LNX1: variants seen among roughly 807,000 people sequenced by gnomAD.
The protein encoded by LNX1 is ligand of numb-protein X 1.
A neutral mutation model predicts 68.4 loss-of-function variants in LNX1; 54 were observed. The ratio of observed to expected loss-of-function variants is 0.79; its 90% CI spans 0.63 to 0.99. LNX1 has a LOEUF of 0.99. Ranked by LOEUF, LNX1 falls within the 50% of genes least tolerant of loss-of-function variation. LNX1 has a pLI of 0.00. For synonymous variants in LNX1, 336 were observed against 350.0 expected (o/e 0.96, Z 0.45); for missense variants, 906 against 926.4 (o/e 0.98, Z 0.29).
intron 1 of LNX1, among the ~76,000 whole-genome samples, chr4:53,585,022 G>T (rs1464275709): frequency 6.6e-6 from 1 of 152,016 alleles, no homozygotes; most frequent in Non-Finnish European, 1.5e-5. Flanking sequence ...TAGTCCAGAT[G>T]GTGGTAAAAG....
At chr4:53,554,933 T>C (rs537197185) in intron 2 of LNX1, among the ~76,000 whole-genome samples, 5 of 151,926 alleles carry the variant, frequency 3.3e-5, no homozygotes, top group East Asian at 3.9e-4. Flanking sequence ...TTTGAATCCA[T>C]GTACTGGATT....
In LNX1 at chr4:53,573,851, G is replaced by A. The variant is rs1731320627; in HGVS notation, c.152C>T (p.Pro51Leu). ...CHICLQALLD[P>L]LDTPCGHTYC... ...GGTGTGTCCACACGGAGTGTCCAGG[G>A]GGTCCAGCAAAGCCTGCAGGCAGAT... The change falls in exon 2 of 11, where the codon CCC becomes CTC. Residue 51 changes from proline to leucine, a missense_variant. Transcript: ENST00000263925. 1.9e-6 allele frequency: 3 copies of A among 1,613,664 alleles called. No homozygotes were observed. Among genetic ancestry groups the A allele is most frequent in the Non-Finnish European group, 2.5e-6 (3 of 1,179,850 alleles).
chr4:53,564,793 T>C (rs1173597315), intron 2 of LNX1, among the ~76,000 whole-genome samples: 1 of 152,196 alleles, frequency 6.6e-6, no homozygotes, highest in Non-Finnish European at 1.5e-5. Flanking sequence ...GCGCGCACCC[T>C]GCGCCAGCCG....
At chr4:53,552,083 A>G (rs1729552807) in intron 2 of LNX1, among the ~76,000 whole-genome samples, 2 of 152,188 alleles carry the variant, frequency 1.3e-5, no homozygotes, top group South Asian at 4.1e-4. Flanking sequence ...TAGTGATTCC[A>G]CTTACAAACC....
intron 2 of LNX1, among the ~76,000 whole-genome samples, chr4:53,611,547 A>G (rs1733498384): frequency 6.6e-6 from 1 of 152,170 alleles, no homozygotes; most frequent in Admixed American, 6.5e-5. Flanking sequence ...TTTAGAAAAA[A>G]TAAGTAGAGA....
chr4:53,550,461 C>T (rs114149929), intron 2 of LNX1, among the ~76,000 whole-genome samples: 4,546 of 152,206 alleles, frequency 0.03, 81 homozygotes, highest in Non-Finnish European at 0.047. Context: ...TTTTTTTTCC[C>T]CTTTTCAATT....
intron 2 of LNX1, among the ~76,000 whole-genome samples, chr4:53,573,270 A>G (rs564184474): frequency 6.6e-6 from 1 of 152,320 alleles, no homozygotes; most frequent in Admixed American, 6.5e-5. Context: ...TTTAATGGAT[A>G]TAGAGTTTCC....
At chr4:53,501,303 G>T (rs1725471985) in intron 4 of LNX1, among the ~76,000 whole-genome samples, 3 of 115,450 alleles carry the variant, frequency 2.6e-5, no homozygotes, top group African/African-American at 1.0e-4. Context: ...TTTTTTTGGG[G>T]GTGGGGGGAC....
intron 2 of LNX1, among the ~76,000 whole-genome samples, chr4:53,540,624 G>A (rs888867324): frequency 4.6e-5 from 7 of 151,958 alleles, no homozygotes; most frequent in Admixed American, 1.3e-4. Flanking sequence ...GGAGGTTGCA[G>A]CGAGCCGAGA....
rs1473470923 is a variant in LNX1 at position 53,460,665 on chromosome 4, A to AAAT, written c.*239_*241dup. 10 of 392,976 alleles carry AAAT rather than the reference A, an allele frequency of 2.5e-5. No individual in the cohort carries two copies. Among genetic ancestry groups the AAAT allele is most frequent in the African/African-American group, 1.9e-4 (9 of 47,698 alleles). 24.3% of individuals were successfully genotyped at this position (392,976 alleles called of 1,614,324 possible). On this transcript the variant is annotated 3_prime_UTR_variant, in exon 11 of 11. Transcript: ENST00000263925. ...TTTAGGGCTTTTTATTGAATAGAAA[A>AAAT]AATATAAACAATGTTGTAGAGTAAT...
chr4:53,496,165 T>C lies in LNX1; in HGVS notation c.1208A>G (p.Glu403Gly), dbSNP rs112295046. The change falls in exon 6 of 11, where the codon GAG becomes GGG. Residue 403 changes from glutamate (E) to glycine (G), a missense_variant. Transcript: ENST00000263925. ...LGIKLVRKVD[E>G]PGVFIFNVLD... Reference sequence around the variant, plus strand: ...CACATTGAAGATGAAAACCCCAGGCTCATCCACCTTGCGCACCAGTTTTAT... The same window carrying C: ...CACATTGAAGATGAAAACCCCAGGCCCATCCACCTTGCGCACCAGTTTTAT... The C allele has an allele frequency of 6.0e-4, 975 of 1,614,138 alleles. 2 individuals carry two copies. The highest frequency in any genetic ancestry group is 7.6e-4 in the Non-Finnish European group (892 of 1,180,008).
chr4:53,537,965 A>T (rs1728493036), intron 2 of LNX1, among the ~76,000 whole-genome samples: 1 of 152,186 alleles, frequency 6.6e-6, no homozygotes, highest in Non-Finnish European at 1.5e-5. Flanking sequence ...TGGGGGAGAG[A>T]GCCTTGGCTA....
intron 2 of LNX1, among the ~76,000 whole-genome samples, chr4:53,616,023 C>A (rs952999485): frequency 6.6e-6 from 1 of 151,972 alleles, no homozygotes; most frequent in East Asian, 1.9e-4. Context: ...TTTTTGTATT[C>A]ATTTGCCCTC....
At chr4:53,472,333 G>T (rs1275869816) in intron 9 of LNX1, among the ~76,000 whole-genome samples, 1 of 151,902 alleles carries the variant, frequency 6.6e-6, no homozygotes, top group Non-Finnish European at 1.5e-5. Flanking sequence ...ACCGGGGACT[G>T]TTGTGGGGTT....
At chr4:53,504,366 T>G (rs1725723931) in intron 4 of LNX1, among the ~76,000 whole-genome samples, 1 of 152,262 alleles carries the variant, frequency 6.6e-6, no homozygotes, top group Admixed American at 6.5e-5. Context: ...CCAACTTTTC[T>G]CCTTTAGCTT....
intron 5 of LNX1, among the ~76,000 whole-genome samples, chr4:53,497,540 C>T (rs546023922): frequency 2.6e-5 from 4 of 152,330 alleles, no homozygotes; most frequent in Admixed American, 2.6e-4. Context: ...GGGCCGGGTT[C>T]CCCCATCACC....
intron 6 of LNX1, among the ~76,000 whole-genome samples, chr4:53,484,511 C>A (rs13119372): frequency 6.6e-6 from 1 of 151,574 alleles, no homozygotes; most frequent in Non-Finnish European, 1.5e-5. Flanking sequence ...TGCAGCGAAC[C>A]GAGATTGTGG....
chr4:53,551,529 C>T (rs1729516902), intron 2 of LNX1, among the ~76,000 whole-genome samples: 1 of 152,140 alleles, frequency 6.6e-6, no homozygotes, highest in Non-Finnish European at 1.5e-5. Flanking sequence ...AAAAAGCCCT[C>T]AAGTGAGCAC....
intron 9 of LNX1, among the ~76,000 whole-genome samples, chr4:53,473,434 A>C (rs998357429): frequency 1.3e-5 from 2 of 152,232 alleles, no homozygotes; most frequent in African/African-American, 4.8e-5. Context: ...AGATAAAGAA[A>C]ATGTGGTACA....
Sources: gnomAD v4.1 joint callset for allele counts (sites outside exome capture counted in the v4.1 genomes callset) on GRCh38, gnomAD v4.1.1 for gene constraint, MANE v1.5 for transcripts, NCBI Gene and HGNC (gene_info 2026-07-23, HGNC 2026-07-21) for gene names.